RPA2: variants seen among roughly 807,000 people sequenced by gnomAD.
The protein encoded by RPA2 is replication protein A 32 kDa subunit.
RPA2 carries 22 observed loss-of-function variants against 33.4 expected under a neutral mutation model. The ratio of observed to expected loss-of-function variants is 0.66; its 90% CI spans 0.47 to 0.94. The LOEUF (loss-of-function observed/expected upper bound fraction) is 0.94. RPA2 is among the 40% of genes least tolerant of loss of function. RPA2 has a pLI of 0.00. For missense variants in RPA2, 279 were observed against 329.9 expected, an observed-to-expected ratio of 0.85 and a Z score of 1.19; for synonymous variants, 109 against 114.9, an observed-to-expected ratio of 0.95 and a Z score of 0.33.
chr1:27,911,211 CA>C (rs202156200), intron 2 of RPA2, among the ~76,000 whole-genome samples: 3 of 146,438 alleles, frequency 2.0e-5, no homozygotes, highest in South Asian at 2.2e-4. Flanking sequence ...GAGACTGTCT[CA>C]AAAAAAAAAT....
chr1:27,914,417 C>T lies in RPA2; in HGVS notation c.10+17G>A. On this transcript the variant is annotated intron_variant, in intron 1 of 8. Coordinates refer to ENST00000373912, the MANE Select transcript of RPA2 (RefSeq NM_002946.5). Reference sequence around the variant, plus strand: ...CTGCGATTCTCTTCCTCCTCCACCCCGCACCCCCATCATTACTGTTCCACA... The same window carrying T: ...CTGCGATTCTCTTCCTCCTCCACCCTGCACCCCCATCATTACTGTTCCACA... The T allele has an allele frequency of 6.2e-7, 1 of 1,609,564 alleles. No individual in the cohort carries two copies. The highest frequency in any genetic ancestry group is 8.5e-7 in the Non-Finnish European group (1 of 1,177,616).
rs765854928 is a variant in RPA2 at position 27,914,169 on chromosome 1, C to T, written c.11G>A (p.Ser4Asn). The change falls in exon 2 of 9, where the codon AGT becomes AAT. Residue 4 changes from serine to asparagine, a missense_variant and splice_region_variant. Around this residue, in one of 2 missense-constraint regions of RPA2, gnomAD observed 274 missense variants for 310.3 expected, o/e 0.88. Coordinates refer to ENST00000373912, the MANE Select transcript of RPA2 (RefSeq NM_002946.5). ...GGAGCTGCCATAGCTTTCGAATCCA[C>T]CTGTTTTGAACAACAGGATTAGTGC... The part of the protein sequence containing the change: MWN[S>N]GFESYGSSSY... The T allele has an allele frequency of 1.2e-6, 2 of 1,613,976 alleles. No individual in the cohort carries two copies. The highest frequency in any genetic ancestry group is 1.1e-5 in the South Asian group (1 of 91,064).
At chr1:27,912,191 G>A (rs1186252716) in intron 2 of RPA2, among the ~76,000 whole-genome samples, 1 of 152,050 alleles carries the variant, frequency 6.6e-6, no homozygotes, top group Non-Finnish European at 1.5e-5. Flanking sequence ...ACATATCTGA[G>A]TGATTCCTAA....
Position 27,914,460 on chromosome 1 carries a change from C to A in RPA2, c.-17G>T. ...GTTCCACATCTTGGTCACGATTCTC[C>A]GCAAAGAGGCCGAGAAGGTGCGGGT... On this transcript the variant is annotated 5_prime_UTR_variant, in exon 1 of 9. Coordinates refer to ENST00000373912, the MANE Select transcript of RPA2 (RefSeq NM_002946.5). 3 of 1,591,214 alleles carry A rather than the reference C, an allele frequency of 1.9e-6. No homozygotes were observed. The highest frequency in any genetic ancestry group is 2.6e-6 in the Non-Finnish European group (3 of 1,167,670).
Position 27,914,472 on chromosome 1 carries a change from G to A in RPA2, c.-29C>T, listed in dbSNP as rs56114819. ...GGTCACGATTCTCCGCAAAGAGGCC[G>A]AGAAGGTGCGGGTCTGGGGGAATAG... On this transcript the variant is annotated 5_prime_UTR_variant, in exon 1 of 9. Coordinates refer to ENST00000373912, the MANE Select transcript of RPA2 (RefSeq NM_002946.5). 2.2e-4 allele frequency: 357 copies of A among 1,591,954 alleles called. 3 individuals carry two copies. The East Asian group carries it at 7.2e-3, about 32-fold the overall frequency.
rs752260343 is a variant in RPA2, at chr1:27,907,075, G to A, written c.220-34C>T. 118 of 1,544,436 alleles carry A rather than the reference G, an allele frequency of 7.6e-5. 2 individuals are homozygous for A. In the South Asian group the frequency reaches 1.3e-3, roughly 17 times the overall value. On this transcript the variant is annotated intron_variant, in intron 3 of 8. Coordinates refer to ENST00000373912, the MANE Select transcript of RPA2 (RefSeq NM_002946.5). The stretch of plus-strand genomic sequence containing the variant: ...GAAGAAACAAAGAAAAAAAAAAAAG[G>A]TCTGGTTCCCCCTGAAACCAAGGCT...
At chr1:27,910,620 T>G (rs1410802378) in intron 2 of RPA2, among the ~76,000 whole-genome samples, 1 of 152,256 alleles carries the variant, frequency 6.6e-6, no homozygotes, top group East Asian at 1.9e-4. Context: ...TATTACAGAT[T>G]AAAATTGGGT....
chr1:27,892,246 G>A lies in RPA2; in HGVS notation c.730C>T (p.Gln244Ter). 6.2e-7 allele frequency: 1 copy of A among 1,610,382 alleles called. No individual in the cohort carries two copies. The highest frequency in any genetic ancestry group is 8.5e-7 in the Non-Finnish European group (1 of 1,177,682). ...TCATTGCTCAGAAAATCCACAGCTT[G>A]CCTAGAAAGAAAGAAGAAAAAAAAA... ...LKHMSVSSIK[Q>*]AVDFLSNEGH... The change falls in exon 9 of 9, where the codon CAA (glutamine) becomes TAA (stop). Residue 244 changes from glutamine (Q) to a stop codon, truncating the protein, a stop_gained and splice_region_variant. Coordinates refer to ENST00000373912, the MANE Select transcript of RPA2 (RefSeq NM_002946.5). LOFTEE classifies it high-confidence loss of function.
In RPA2 at chr1:27,911,108, C is replaced by T. The variant is rs769720618; in HGVS notation, c.117+2955G>A. Among the ~76,000 whole-genome samples, 38 of 151,740 alleles carry T rather than the reference C, an allele frequency of 2.5e-4. 1 individual carries two copies. In the Middle Eastern group the frequency reaches 0.014, roughly 54 times the overall value. Reference sequence around the variant, plus strand: ...GCATGCGCCTGTAGTCACAGCTACTCGGGAGGCTGAGGCAGGAGAATCGCT... The same window carrying T: ...GCATGCGCCTGTAGTCACAGCTACTTGGGAGGCTGAGGCAGGAGAATCGCT... On this transcript the variant is annotated intron_variant, in intron 2 of 8. Coordinates refer to ENST00000373912, the MANE Select transcript of RPA2 (RefSeq NM_002946.5).
At chr1:27,913,445 G>C (rs1174544751) in intron 2 of RPA2, among the ~76,000 whole-genome samples, 1 of 151,206 alleles carries the variant, frequency 6.6e-6, no homozygotes, top group Non-Finnish European at 1.5e-5. Context: ...AAAATTAGCC[G>C]GGCGTGGTGG....
chr1:27,904,782 A>G (rs976652735), intron 4 of RPA2, among the ~76,000 whole-genome samples: 1 of 151,904 alleles, frequency 6.6e-6, no homozygotes, highest in Non-Finnish European at 1.5e-5. Flanking sequence ...TTTCTGTCTC[A>G]GCTTCTGGGT....
In RPA2 at chr1:27,894,379, G is replaced by A. The variant is rs773145803; in HGVS notation, c.544C>T (p.Pro182Ser). The A allele has an allele frequency of 1.9e-6, 3 of 1,613,518 alleles. No individual in the cohort carries two copies. The East Asian group carries it at 6.7e-5, about 36-fold the overall frequency. The change falls in exon 7 of 9, where the codon CCT becomes TCT. Residue 182 changes from proline to serine, a missense_variant. Transcript: ENST00000373912. ...TCACTCATTCCTGGATTGCTGATAG[G>A]TGCTCTCCCTGCTGAGGGCTGAATT... ...ANSQPSAGRA[P>S]ISNPGMSEAG...
Position 27,906,938 on chromosome 1 carries a change from A to G in RPA2, c.323T>C (p.Val108Ala), listed in dbSNP as rs199748491. Residue 108 changes from valine to alanine, a missense_variant, in exon 4 of 9, where the codon GTT becomes GCT. By Grantham distance (64) the Val-to-Ala change is moderately conservative. This residue lies in a region of RPA2 where 274 missense variants were observed against 310.3 expected (regional missense o/e 0.88). Transcript: ENST00000373912. ...TAAPMDVRQW[V>A]DTDDTSSENT... ...AAAACAGCCACTTACATCTGTGTCA[A>G]CCCACTGGCGAACGTCCATGGGTGC... The G allele has an allele frequency of 6.2e-7, 1 of 1,612,246 alleles. No individual in the cohort carries two copies. The highest frequency in any genetic ancestry group is 8.5e-7 in the Non-Finnish European group (1 of 1,179,288).
chr1:27,892,636 C>T (rs28904906), intron 8 of RPA2, among the ~76,000 whole-genome samples: 1,645 of 152,276 alleles, frequency 0.011, 27 homozygotes, highest in African/African-American at 0.037. Context: ...ACACTGAAAC[C>T]CCGTTGGTCC....
chr1:27,897,775 A>G (rs570686487), intron 4 of RPA2, 68 bp from the exon 5 acceptor site: 3 of 1,110,416 alleles, frequency 2.7e-6, no homozygotes, highest in African/African-American at 1.6e-5. Flanking sequence ...TAACGTTTCT[A>G]TATTATGTAT....
chr1:27,906,050 A>G (rs1384061649), intron 4 of RPA2, among the ~76,000 whole-genome samples: 1 of 152,168 alleles, frequency 6.6e-6, no homozygotes, highest in Non-Finnish European at 1.5e-5. Flanking sequence ...CTAGGTGCTA[A>G]GGCTACAGCG....
Position 27,914,085 on chromosome 1 carries a change from G to C in RPA2, c.95C>G (p.Pro32Arg). 4 of 1,604,238 alleles carry C rather than the reference G, an allele frequency of 2.5e-6. No homozygotes were observed. The highest frequency in any genetic ancestry group is 3.4e-6 in the Non-Finnish European group (4 of 1,175,964). The change falls in exon 2 of 9, where the codon CCT becomes CGT. Residue 32 changes from proline (P) to arginine (R), a missense_variant. Pro to Arg is a moderately radical substitution (Grantham distance 103, BLOSUM62 -2). This residue lies in a region of RPA2 where 274 missense variants were observed against 310.3 expected (regional missense o/e 0.88). Transcript: ENST00000373912. ...QSPGGFGSPA[P>R]SQAEKKSRAR... ...TACTGATTTCTTTTCGGCTTGAGAA[G>C]GTGCGGGCGATCCAAAGCCCCCCGG...
chr1:27,897,943 A>C (rs960504117), intron 4 of RPA2, among the ~76,000 whole-genome samples: 4 of 152,346 alleles, frequency 2.6e-5, no homozygotes, highest in African/African-American at 4.8e-5. Flanking sequence ...CACATCATAA[A>C]AAAGCAAACA....
chr1:27,908,568 T>A (rs2090059767), intron 2 of RPA2, among the ~76,000 whole-genome samples: 1 of 152,078 alleles, frequency 6.6e-6, no homozygotes, highest in South Asian at 2.1e-4. Flanking sequence ...CGATCTCAGC[T>A]CACTACAACC....
Sources: allele counts gnomAD v4.1 joint callset (sites outside exome capture counted in the v4.1 genomes callset), GRCh38; gene constraint gnomAD v4.1.1; regional missense constraint gnomAD v4.1.1; transcripts MANE v1.5; gene names NCBI Gene and HGNC (gene_info 2026-07-23, HGNC 2026-07-21).